Variants in ADAM28 observed in about 807,000 individuals in gnomAD.
ADAM28 encodes the protein disintegrin and metalloproteinase domain-containing protein 28.
ADAM28 carries 105 observed loss-of-function variants against 101.2 expected under a neutral mutation model. That is an observed-to-expected ratio of 1.04 (90% CI 0.89 to 1.22). ADAM28 has a LOEUF of 1.22. Among genes scored for constraint, ADAM28 ranks in the 50% most tolerant of loss-of-function variants. ADAM28 has a pLI of 0.00. For missense variants in ADAM28, 1,028 were observed against 945.4 expected, an observed-to-expected ratio of 1.09 and a Z score of -1.15; for synonymous variants, 322 against 310.6, an observed-to-expected ratio of 1.04 and a Z score of -0.39.
chr8:24,309,969 A>G lies in ADAM28; in HGVS notation c.226A>G (p.Lys76Glu), dbSNP rs1386446880. The change falls in exon 3 of 23, where the codon AAG (lysine) becomes GAG (glutamate). Residue 76 changes from lysine (K) to glutamate (E), a missense_variant and splice_region_variant. Transcript: ENST00000265769. ...TGCAGTGCTTTATTTGAAAAAAAAC[A>G]AGTAAGTATCTTTACCTGTGATATT... ...KIAVLYLKKN[K>E]NLLAPGYTET... The G allele has an allele frequency of 1.3e-6, 2 of 1,556,790 alleles. No homozygotes were observed. The highest frequency in any genetic ancestry group is 1.8e-6 in the Non-Finnish European group (2 of 1,129,360).
chr8:24,351,869 C>T (rs1485102976), intron 20 of ADAM28, 118 bp from the exon 21 acceptor site: 1 of 873,430 alleles, frequency 1.1e-6, no homozygotes, highest in Non-Finnish European at 1.8e-6. Flanking sequence ...TATCTGGTCT[C>T]TTGGTGTCAG....
intron 2 of ADAM28, chr8:24,301,015 C>A (rs1377396171): frequency 6.6e-6 from 1 of 152,140 alleles, no homozygotes; most frequent in African/African-American, 2.4e-5. Context: ...CATGATGATT[C>A]ATTCAATTAT....
At chr8:24,350,206 A>G (rs1359267601) in intron 19 of ADAM28, among the ~76,000 whole-genome samples, 2 of 152,138 alleles carry the variant, frequency 1.3e-5, no homozygotes, top group Non-Finnish European at 2.9e-5. Context: ...TATAATAATA[A>G]GAGTGATATT....
In ADAM28 at chr8:24,324,432, GA is replaced by G. The variant is rs757707134; in HGVS notation, c.890+430del. Among the ~76,000 whole-genome samples, 96 of 152,068 alleles carry G rather than the reference GA, an allele frequency of 6.3e-4. 1 individual carries two copies. Among genetic ancestry groups the G allele is most frequent in the South Asian group, 3.5e-3 (17 of 4,820 alleles). On this transcript the variant is annotated intron_variant, in intron 9 of 22. Coordinates refer to ENST00000265769, the MANE Select transcript of ADAM28 (RefSeq NM_014265.6). ...TAAGAACAACAGGGGAAATAAATCT[GA>G]TGGCTGTAAATTATATGAGACTGGA... is the stretch of plus-strand genomic sequence containing the variant.
chr8:24,302,017 T>C (rs1275696870), intron 2 of ADAM28, among the ~76,000 whole-genome samples: 2 of 152,180 alleles, frequency 1.3e-5, no homozygotes, highest in African/African-American at 4.8e-5. Context: ...GCCATGGTGG[T>C]TTGCTGCACC....
chr8:24,309,871 T>C (rs1252220058), intron 2 of ADAM28, 23 bp from the exon 3 acceptor site: 1 of 1,451,564 alleles, frequency 6.9e-7, no homozygotes, highest in African/African-American at 1.4e-5. Flanking sequence ...TAATTACAAG[T>C]AAATGTTTGT....
At chr8:24,350,864 G>GT (rs35073591) in intron 19 of ADAM28, among the ~76,000 whole-genome samples, 7 of 148,234 alleles carry the variant, frequency 4.7e-5, no homozygotes, top group African/African-American at 1.7e-4. Flanking sequence ...GCACAACGGT[G>GT]TTTTTTTTTT....
chr8:24,325,928 G>C (rs1010837013), intron 9 of ADAM28, among the ~76,000 whole-genome samples: 1 of 115,584 alleles, frequency 8.7e-6, no homozygotes, highest in Non-Finnish European at 1.8e-5. Flanking sequence ...AAAGGAAAGA[G>C]TATGAAATTA....
At chr8:24,299,118 A>G (rs1808368851) in intron 1 of ADAM28, among the ~76,000 whole-genome samples, 1 of 151,950 alleles carries the variant, frequency 6.6e-6, no homozygotes, top group Non-Finnish European at 1.5e-5. Flanking sequence ...GCTTGAGCCC[A>G]GGATGTTGAG....
chr8:24,343,537 A>G lies in ADAM28; in HGVS notation c.1943A>G (p.Glu648Gly), dbSNP rs1466992902. Reference protein sequence around the residue: ...VCDHELQCQCEEGWIPPDCDD... With the variant: ...VCDHELQCQCGEGWIPPDCDD... ...GACCATGAGCTCCAGTGTCAATGTG[A>G]GGAAGGATGGATCCCTCCCGACTGC... The change falls in exon 18 of 23, where the codon GAG becomes GGG. Residue 648 changes from glutamate to glycine, a missense_variant. Coordinates refer to ENST00000265769, the MANE Select transcript of ADAM28 (RefSeq NM_014265.6). 6.2e-7 allele frequency: 1 copy of G among 1,613,782 alleles called. No individual in the cohort carries two copies. Among genetic ancestry groups the G allele is most frequent in the Admixed American group, 1.7e-5 (1 of 59,970 alleles).
chr8:24,313,292 T>G (rs6982006), intron 5 of ADAM28, 96 bp from the exon 6 acceptor site: 2 of 1,181,658 alleles, frequency 1.7e-6, no homozygotes, highest in African/African-American at 3.1e-5. Flanking sequence ...TGACATTGAC[T>G]AGGAATTTTA....
chr8:24,351,597 C>T (rs1195060777), intron 20 of ADAM28: 3 of 513,704 alleles, frequency 5.8e-6, no homozygotes, highest in Non-Finnish European at 1.1e-5. Flanking sequence ...CCCTCTCTCA[C>T]ACACACACAC....
At chr8:24,301,163 C>T (rs1003333778) in intron 2 of ADAM28, among the ~76,000 whole-genome samples, 9 of 152,302 alleles carry the variant, frequency 5.9e-5, no homozygotes, top group East Asian at 3.9e-4. Context: ...TCACTGGACA[C>T]GGTTTCCCAT....
chr8:24,345,187 G>C (rs1815263569), intron 18 of ADAM28, among the ~76,000 whole-genome samples: 1 of 151,936 alleles, frequency 6.6e-6, no homozygotes, highest in African/African-American at 2.4e-5. Context: ...GTGATGTTCT[G>C]TTTCCATTAA....
intron 22 of ADAM28, 35 bp from the exon 23 acceptor site, chr8:24,354,349 G>T: frequency 6.6e-7 from 1 of 1,509,840 alleles, no homozygotes; most frequent in East Asian, 2.4e-5. Context: ...AATTTTTGAA[G>T]AAAGTTGATC....
chr8:24,313,100 ACCAAGTGTCAGGAAAT>A, intron 5 of ADAM28, among the ~76,000 whole-genome samples: 1 of 152,224 alleles, frequency 6.6e-6, no homozygotes, highest in Non-Finnish European at 1.5e-5. Context: ...AGAATGCTGT[ACCAAGTGTCAGGAAAT>A]ATTCATTCTA....
At chr8:24,336,826 TATG>T (rs1814153331) in intron 14 of ADAM28, among the ~76,000 whole-genome samples, 1 of 152,166 alleles carries the variant, frequency 6.6e-6, no homozygotes, top group Non-Finnish European at 1.5e-5. Flanking sequence ...ACTTTCTGGA[TATG>T]ATGTGTATGA....
intron 8 of ADAM28, among the ~76,000 whole-genome samples, chr8:24,322,055 C>T (rs954600794): frequency 6.6e-6 from 1 of 151,810 alleles, no homozygotes; most frequent in Non-Finnish European, 1.5e-5. Context: ...TAATATACTT[C>T]TTTTGATATG....
At chr8:24,341,880 A>G (rs1458106657) in intron 16 of ADAM28, 123 bp downstream of exon 16, 1 of 1,157,732 alleles carries the variant, frequency 8.6e-7, no homozygotes, top group African/African-American at 1.6e-5. Context: ...CCATGCCTTA[A>G]TAGAACCCAC....
Sources: allele counts gnomAD v4.1 joint callset (sites outside exome capture counted in the v4.1 genomes callset), GRCh38; gene constraint gnomAD v4.1.1; transcripts MANE v1.5; gene names NCBI Gene and HGNC (gene_info 2026-07-23, HGNC 2026-07-21).